Variants in IPO11 observed in about 807,000 individuals in gnomAD.
IPO11 encodes importin-11.
IPO11 carries 66 observed loss-of-function variants against 143.2 expected under a neutral mutation model. The ratio of observed to expected loss-of-function variants is 0.46; its 90% confidence interval spans 0.38 to 0.57. The LOEUF (loss-of-function observed/expected upper bound fraction) is 0.57. Among genes scored for constraint, IPO11 ranks in the 20% least tolerant of loss-of-function variants. The pLI, the probability that IPO11 is intolerant of heterozygous loss-of-function variation, is 0.00. For missense variants in IPO11, 1,026 were observed against 1,141.0 expected (o/e 0.90, Z 1.45); for synonymous variants, 385 against 377.8 (o/e 1.02, Z -0.22).
intron 27 of IPO11, among the ~76,000 whole-genome samples, chr5:62,572,535 ATATTTGTTTGTTTATT>A (rs1744165022): frequency 7.3e-6 from 1 of 137,428 alleles, no homozygotes; most frequent in Admixed American, 7.8e-5. Flanking sequence ...GTGTATATGT[ATATTTGTTTGTTTATT>A]TATTTATTTA....
intron 3 of IPO11, among the ~76,000 whole-genome samples, chr5:62,449,397 C>A (rs1744829326): frequency 6.6e-6 from 1 of 152,172 alleles, no homozygotes; most frequent in African/African-American, 2.4e-5. Flanking sequence ...TGATAAGTCA[C>A]CCATCCCAGA....
chr5:62,490,100 A>G lies in IPO11; in HGVS notation c.1358-15A>G, dbSNP rs570489351. On this transcript the variant is annotated splice_polypyrimidine_tract_variant and intron_variant, in intron 14 of 29. Coordinates refer to ENST00000325324, the MANE Select transcript of IPO11 (RefSeq NM_016338.5). The stretch of plus-strand genomic sequence containing the variant: ...TCTGAAACCTTTAATTTTTTTTCTT[A>G]AATTTTCTTCTCAGTGTATAATGCT... 2.5e-5 allele frequency: 37 copies of G among 1,509,692 alleles called. 1 individual carries two copies. The South Asian group carries it at 4.8e-4, about 20-fold the overall frequency. 93.5% of individuals were successfully genotyped at this position (1,509,692 alleles called of 1,614,324 possible).
At chr5:62,417,497 T>C (rs546618330) in intron 1 of IPO11, among the ~76,000 whole-genome samples, 133 of 152,278 alleles carry the variant, frequency 8.7e-4, no homozygotes, top group African/African-American at 3.0e-3. Flanking sequence ...CTTCTTATAC[T>C]TCTGGGACAC....
chr5:62,602,804 C>T (rs1228398618), intron 29 of IPO11, among the ~76,000 whole-genome samples: 4 of 152,150 alleles, frequency 2.6e-5, no homozygotes, highest in East Asian at 1.9e-4. Flanking sequence ...GAAAGGACAA[C>T]ATCCAAAGAT....
At chr5:62,491,727 G>A (rs1412996178) in intron 15 of IPO11, among the ~76,000 whole-genome samples, 6 of 148,784 alleles carry the variant, frequency 4.0e-5, no homozygotes, top group South Asian at 2.1e-4. Context: ...GTGCAGTGGC[G>A]CGATCTCGAC....
intron 2 of IPO11, among the ~76,000 whole-genome samples, chr5:62,438,488 C>T (rs1744319998): frequency 6.6e-6 from 1 of 152,182 alleles, no homozygotes; most frequent in Non-Finnish European, 1.5e-5. Flanking sequence ...TGCAGTGGCT[C>T]ACTCCTGTAA....
intron 1 of IPO11, among the ~76,000 whole-genome samples, chr5:62,420,291 C>CAA (rs1187591087): frequency 2.4e-3 from 163 of 68,936 alleles, no homozygotes; most frequent in African/African-American, 7.6e-3. Flanking sequence ...AGCTCCGTCT[C>CAA]AAAAAAAAAA....
intron 1 of IPO11, among the ~76,000 whole-genome samples, chr5:62,422,212 C>T (rs964824651): frequency 6.6e-5 from 10 of 152,098 alleles, no homozygotes; most frequent in African/African-American, 2.4e-4. Context: ...CTGCAACCTC[C>T]ACCTCCTGGG....
intron 27 of IPO11, among the ~76,000 whole-genome samples, chr5:62,577,225 A>G (rs1744347326): frequency 6.6e-6 from 1 of 152,070 alleles, no homozygotes; most frequent in African/African-American, 2.4e-5. Context: ...TGTACTATTT[A>G]TATTTGCTTG....
At chr5:62,519,060 G>A (rs1424646128) in intron 20 of IPO11, among the ~76,000 whole-genome samples, 1 of 152,128 alleles carries the variant, frequency 6.6e-6, no homozygotes, top group African/African-American at 2.4e-5. Flanking sequence ...GGGCACATTA[G>A]GGAAGGCCTC....
At chr5:62,451,954 A>C in intron 5 of IPO11, 21 bp downstream of exon 5, 1 of 1,592,098 alleles carries the variant, frequency 6.3e-7, no homozygotes, top group South Asian at 1.1e-5. Flanking sequence ...TCACATAGTT[A>C]AATTTGATTA....
intron 27 of IPO11, among the ~76,000 whole-genome samples, chr5:62,578,103 C>T (rs569478983): frequency 3.3e-5 from 5 of 152,168 alleles, no homozygotes; most frequent in South Asian, 4.1e-4. Flanking sequence ...CTTTTACTCT[C>T]CCCAATTTTT....
intron 15 of IPO11, among the ~76,000 whole-genome samples, chr5:62,491,579 T>G (rs1746608470): frequency 1.3e-5 from 2 of 152,170 alleles, no homozygotes; most frequent in African/African-American, 2.4e-5. Flanking sequence ...TAATTTAAAT[T>G]TAAAATTTAA....
chr5:62,499,247 T>G (rs1741259347), intron 16 of IPO11, among the ~76,000 whole-genome samples: 1 of 152,170 alleles, frequency 6.6e-6, no homozygotes, highest in Admixed American at 6.5e-5. Context: ...TACAAACCAG[T>G]GTAGCATGTT....
intron 29 of IPO11, among the ~76,000 whole-genome samples, chr5:62,606,395 G>A (rs1196471895): frequency 1.4e-5 from 2 of 144,560 alleles, no homozygotes; most frequent in East Asian, 4.2e-4. Context: ...TGGGAGGATT[G>A]CTTGAACATG....
chr5:62,489,058 T>C lies in IPO11; in HGVS notation c.1310-244T>C, dbSNP rs148588893. Among the ~76,000 whole-genome samples, 431 of 152,312 alleles carry C rather than the reference T, an allele frequency of 2.8e-3. 14 individuals carry two copies. Among genetic ancestry groups the C allele is most frequent in the Admixed American group, 0.028 (422 of 15,290 alleles). On this transcript the variant is annotated intron_variant, in intron 13 of 29. Coordinates refer to ENST00000325324, the MANE Select transcript of IPO11 (RefSeq NM_016338.5). ...GCACATTAGCATTTTGTGGTGTATATTTTCTAGAATATTGCTTGTCATAAC... is the reference window on the plus strand; with the variant it reads ...GCACATTAGCATTTTGTGGTGTATACTTTCTAGAATATTGCTTGTCATAAC...
At chr5:62,486,068 C>T (rs1054312866) in intron 12 of IPO11, among the ~76,000 whole-genome samples, 3 of 150,836 alleles carry the variant, frequency 2.0e-5, no homozygotes, top group African/African-American at 4.9e-5. Context: ...GCAAGCTCCG[C>T]CCCCTGGGTT....
Position 62,506,330 on chromosome 5 carries a change from T to G in IPO11, c.1755T>G (p.Ser585=). 1 of 1,608,962 alleles carries G rather than the reference T, an allele frequency of 6.2e-7. No homozygotes were observed. The highest frequency in any genetic ancestry group is 2.2e-5 in the East Asian group (1 of 44,822). ...AGATGCATGTTTTGCATGTCCTTTC[T>G]TGTGTGATCGAAAGAGTCAACATGC... ...DTKMHVLHVL[S]CVIERVNMQI... The change falls in exon 19 of 30, where the codon TCT becomes TCG. Residue 585 remains serine, a synonymous_variant. Coordinates refer to ENST00000325324, the MANE Select transcript of IPO11 (RefSeq NM_016338.5).
intron 12 of IPO11, 141 bp from the exon 13 acceptor site, chr5:62,487,630 A>AC: frequency 1.7e-6 from 1 of 571,844 alleles, no homozygotes; most frequent in Non-Finnish European, 2.4e-6. Flanking sequence ...TGGTAACCTT[A>AC]CTTTTTTTTT....
Sources: allele counts gnomAD v4.1 joint callset (sites outside exome capture counted in the v4.1 genomes callset), GRCh38; gene constraint gnomAD v4.1.1; transcripts MANE v1.5; gene names NCBI Gene and HGNC (gene_info 2026-07-23, HGNC 2026-07-21).